The following THSD7B variants were observed in gnomAD, a reference collection of about 807,000 sequenced individuals.
The protein encoded by THSD7B is thrombospondin type-1 domain-containing protein 7B.
Under a neutral mutation model 213.6 loss-of-function variants are expected in THSD7B, and 138 were observed. The observed-to-expected ratio is 0.65, with a 90% confidence interval of 0.56 to 0.74. The LOEUF (loss-of-function observed/expected upper bound fraction) is 0.74. Among genes scored for constraint, THSD7B ranks in the 30% least tolerant of loss-of-function variants. THSD7B has a pLI of 0.00. For synonymous variants in THSD7B, 742 were observed against 687.0 expected (o/e 1.08, Z -1.25); for missense variants, 1,931 against 1,991.5 (o/e 0.97, Z 0.58).
chr2:137,485,732 G>T (rs1281069881), intron 15 of THSD7B, among the ~76,000 whole-genome samples: 2 of 152,094 alleles, frequency 1.3e-5, no homozygotes, highest in African/African-American at 4.8e-5. Context: ...AAAATGTTAA[G>T]GGCAGCCAGG....
intron 15 of THSD7B, among the ~76,000 whole-genome samples, chr2:137,546,377 A>ATATATATAT (rs1487713184): frequency 1.6e-4 from 7 of 43,190 alleles, no homozygotes; most frequent in East Asian, 1.2e-3. Context: ...TATATATATA[A>ATATATATAT]TATATATATT....
intron 1 of THSD7B, among the ~76,000 whole-genome samples, chr2:136,833,533 A>C (rs1224132175): frequency 6.7e-6 from 1 of 149,520 alleles, no homozygotes; most frequent in Non-Finnish European, 1.5e-5. Context: ...CTGCTGGGCG[A>C]ACTATGAAGG....
intron 3 of THSD7B, among the ~76,000 whole-genome samples, chr2:137,059,609 A>G (rs1687233010): frequency 6.6e-6 from 1 of 152,152 alleles, no homozygotes; most frequent in Non-Finnish European, 1.5e-5. Context: ...TTTTTAAAAA[A>G]TGTTATATAG....
intron 7 of THSD7B, among the ~76,000 whole-genome samples, chr2:137,204,589 A>G (rs1680943331): frequency 6.6e-6 from 1 of 152,148 alleles, no homozygotes; most frequent in African/African-American, 2.4e-5. Flanking sequence ...GCCATTTGGA[A>G]GGACACCATT....
intron 3 of THSD7B, 26 bp from the exon 4 acceptor site, chr2:137,094,847 C>T: frequency 6.2e-7 from 1 of 1,603,534 alleles, no homozygotes; most frequent in African/African-American, 1.3e-5. Context: ...ATATGGCCTC[C>T]TATTTTCTAC....
intron 7 of THSD7B, among the ~76,000 whole-genome samples, chr2:137,188,319 C>T (rs147630724): frequency 1.3e-5 from 2 of 152,258 alleles, no homozygotes; most frequent in Non-Finnish European, 2.9e-5. Context: ...ATGTTTCAGA[C>T]CAGTGCCACC....
At chr2:137,452,337 A>T (rs1185577959) in intron 15 of THSD7B, among the ~76,000 whole-genome samples, 1 of 152,098 alleles carries the variant, frequency 6.6e-6, no homozygotes, top group Non-Finnish European at 1.5e-5. Context: ...TGACAGGAGA[A>T]TAAAATATGA....
chr2:137,561,824 A>G (rs1329005748), intron 15 of THSD7B, among the ~76,000 whole-genome samples: 4 of 152,114 alleles, frequency 2.6e-5, no homozygotes, highest in Non-Finnish European at 5.9e-5. Context: ...CACAGCATGA[A>G]ATGTGATTAT....
Position 137,362,177 on chromosome 2 carries a change from A to T in THSD7B, c.2501-43436A>T, listed in dbSNP as rs10427340. Among the ~76,000 whole-genome samples, 1,500 of 152,322 alleles carry T rather than the reference A, an allele frequency of 9.8e-3. 30 individuals carry two copies. Among genetic ancestry groups the T allele is most frequent in the African/African-American group, 0.035 (1,451 of 41,572 alleles). On this transcript the variant is annotated intron_variant, in intron 12 of 27. Transcript: ENST00000409968. ...GAAATAAAATCCTTTACAGACAAGC[A>T]AATGCTGAGAGATTTTGTCACCACC...
In THSD7B at chr2:136,831,469, G is replaced by GC. The variant is rs1573658758; in HGVS notation, c.-35-50673dup. Among the ~76,000 whole-genome samples, 3 of 152,230 alleles carry GC rather than the reference G, an allele frequency of 2.0e-5. No individual in the cohort carries two copies. The East Asian group carries it at 5.8e-4, about 29-fold the overall frequency. On this transcript the variant is annotated intron_variant, in intron 1 of 27. Coordinates refer to ENST00000409968, the MANE Select transcript of THSD7B (RefSeq NM_001316349.2). Reference sequence around the variant, plus strand: ...TAATCATCTGGCTTCAGATTTTTGGGCCTCCCAGAGGCATTGTGTCTTTGG... The same window carrying GC: ...TAATCATCTGGCTTCAGATTTTTGGGCCCTCCCAGAGGCATTGTGTCTTTGG...
chr2:137,200,855 A>G (rs1680861303), intron 7 of THSD7B, among the ~76,000 whole-genome samples: 1 of 29,654 alleles, frequency 3.4e-5, no homozygotes, highest in South Asian at 2.2e-3. Context: ...TATATTGAAG[A>G]GATGGGGACT....
chr2:136,946,484 C>A (rs908248069), intron 2 of THSD7B, among the ~76,000 whole-genome samples: 1 of 152,144 alleles, frequency 6.6e-6, no homozygotes, highest in Non-Finnish European at 1.5e-5. Flanking sequence ...CGAGCTCAAA[C>A]ACTGTGCTGG....
chr2:137,112,530 T>C (rs1454792288), intron 4 of THSD7B, among the ~76,000 whole-genome samples: 2 of 152,216 alleles, frequency 1.3e-5, no homozygotes, highest in African/African-American at 2.4e-5. Flanking sequence ...CATAATAACT[T>C]CCCAAATTTC....
intron 12 of THSD7B, among the ~76,000 whole-genome samples, chr2:137,326,877 G>A (rs1036621420): frequency 4.6e-5 from 7 of 152,232 alleles, no homozygotes; most frequent in African/African-American, 1.7e-4. Context: ...CTTGATAAAT[G>A]CAGTTGCAGT....
intron 21 of THSD7B, among the ~76,000 whole-genome samples, chr2:137,647,440 TC>T (rs533830674): frequency 1.5e-5 from 2 of 130,482 alleles, no homozygotes; most frequent in Non-Finnish European, 1.6e-5. Flanking sequence ...TCTCTCTCTC[TC>T]CCCAACCCCC....
In THSD7B at chr2:137,170,757, G is replaced by A. The variant is rs779196371; in HGVS notation, c.1542G>A (p.Gln514=). ...PQGKKGFRTR[Q]RHVLMESTGP... is the part of the protein sequence containing the mutation. Reference sequence around the variant, plus strand: ...TCTTTTTAGGATTTAGAACGAGGCAGCGCCATGTCCTCATGGAATCTACAG... The same window carrying A: ...TCTTTTTAGGATTTAGAACGAGGCAACGCCATGTCCTCATGGAATCTACAG... The change falls in exon 7 of 28, where the codon CAG becomes CAA. Residue 514 remains glutamine, a synonymous_variant. Coordinates refer to ENST00000409968, the MANE Select transcript of THSD7B (RefSeq NM_001316349.2). The A allele has an allele frequency of 7.4e-6, 12 of 1,613,148 alleles. No individual in the cohort carries two copies. The highest frequency in any genetic ancestry group is 6.7e-5 in the Admixed American group (4 of 59,940).
chr2:137,112,135 G>C (rs1447657076), intron 4 of THSD7B, among the ~76,000 whole-genome samples: 1 of 152,168 alleles, frequency 6.6e-6, no homozygotes, highest in African/African-American at 2.4e-5. Flanking sequence ...TATTCTGTCA[G>C]ATCCTAGCGA....
chr2:137,036,176 TACTC>T (rs1230205566), intron 2 of THSD7B, among the ~76,000 whole-genome samples: 1 of 152,186 alleles, frequency 6.6e-6, no homozygotes, highest in African/African-American at 2.4e-5. Context: ...GCACATGAAA[TACTC>T]ACTCTTCATA....
chr2:136,780,370 A>T (rs1315106866), intron 1 of THSD7B, among the ~76,000 whole-genome samples: 1 of 152,180 alleles, frequency 6.6e-6, no homozygotes, highest in African/African-American at 2.4e-5. Flanking sequence ...AAGCACCTCC[A>T]AAAAGGCCTA....
Sources: allele counts gnomAD v4.1 joint callset (sites outside exome capture counted in the v4.1 genomes callset), GRCh38; gene constraint gnomAD v4.1.1; transcripts MANE v1.5; gene names NCBI Gene and HGNC (gene_info 2026-07-23, HGNC 2026-07-21).